Variants in PPFIBP1 observed in about 807,000 individuals in gnomAD.
The protein encoded by PPFIBP1 is PPFIB scaffold protein 1.
A neutral mutation model predicts 137.8 loss-of-function variants in PPFIBP1; 112 were observed. The ratio of observed to expected loss-of-function variants is 0.81; its 90% CI spans 0.70 to 0.95. The LOEUF (loss-of-function observed/expected upper bound fraction) is 0.95, where lower values mean the gene tolerates loss of function less well. PPFIBP1 is among the 40% of genes least tolerant of loss of function. The pLI, the probability that PPFIBP1 is intolerant of heterozygous loss-of-function variation, is 0.00. For missense variants in PPFIBP1, 1,083 were observed against 1,196.6 expected, an observed-to-expected ratio of 0.91 and a Z score of 1.40; for synonymous variants, 378 against 417.3, an observed-to-expected ratio of 0.91 and a Z score of 1.15.
intron 2 of PPFIBP1, among the ~76,000 whole-genome samples, 193 bp from the exon 3 acceptor site, chr12:27,633,169 T>G (rs1449820674): frequency 1.4e-4 from 22 of 152,154 alleles, no homozygotes; most frequent in Non-Finnish European, 2.9e-4. Context: ...GGAATCTTCT[T>G]TATTAACTGA....
At chr12:27,689,363 A>C (rs1025274656) in intron 27 of PPFIBP1, among the ~76,000 whole-genome samples, 160 bp downstream of exon 27, 1 of 152,100 alleles carries the variant, frequency 6.6e-6, no homozygotes, top group Non-Finnish European at 1.5e-5. Flanking sequence ...TGGGAGAAAG[A>C]TGTTGGCCAA....
At chr12:27,631,904 T>C (rs1319385581) in intron 2 of PPFIBP1, among the ~76,000 whole-genome samples, 1 of 152,232 alleles carries the variant, frequency 6.6e-6, no homozygotes, top group African/African-American at 2.4e-5. Context: ...CTCTTTGTTT[T>C]ATATAGACAC....
At chr12:27,577,468 T>G (rs1313958944) in intron 1 of PPFIBP1, among the ~76,000 whole-genome samples, 12 of 152,216 alleles carry the variant, frequency 7.9e-5, no homozygotes, top group Non-Finnish European at 1.8e-4. Flanking sequence ...CCTTGCTTTC[T>G]CCTTTGGATG....
intron 27 of PPFIBP1, 129 bp from the exon 28 acceptor site, chr12:27,691,619 TG>T: frequency 1.6e-6 from 1 of 618,240 alleles, no homozygotes; most frequent in South Asian, 2.6e-5. Context: ...CTCTCTACCA[TG>T]GGGTAAATAA....
chr12:27,681,410 A>G, intron 21 of PPFIBP1, 136 bp from the exon 22 acceptor site: 1 of 966,510 alleles, frequency 1.0e-6, no homozygotes, highest in Non-Finnish European at 1.5e-6. Flanking sequence ...GTATACTAAA[A>G]ATTAAGCTTT....
chr12:27,599,021 A>T (rs1425710343), intron 2 of PPFIBP1, among the ~76,000 whole-genome samples: 1 of 152,244 alleles, frequency 6.6e-6, no homozygotes, highest in Non-Finnish European at 1.5e-5. Context: ...AAGAATTGGA[A>T]CACTTCCTAA....
chr12:27,685,151 A>T (rs1337736043), intron 24 of PPFIBP1, among the ~76,000 whole-genome samples: 1 of 151,914 alleles, frequency 6.6e-6, no homozygotes, highest in African/African-American at 2.4e-5. Context: ...ATACTATATA[A>T]TTATGTAATA....
At chr12:27,559,972 A>G (rs1258516659) in intron 1 of PPFIBP1, among the ~76,000 whole-genome samples, 1 of 152,244 alleles carries the variant, frequency 6.6e-6, no homozygotes, top group Non-Finnish European at 1.5e-5. Flanking sequence ...AGAATGTACC[A>G]TGCCAGGGAC....
intron 2 of PPFIBP1, among the ~76,000 whole-genome samples, chr12:27,626,553 G>A (rs1158670300): frequency 1.3e-5 from 2 of 152,016 alleles, no homozygotes; most frequent in Non-Finnish European, 2.9e-5. Context: ...ACCTAGGGTG[G>A]GGTCTAGGGA....
intron 2 of PPFIBP1, among the ~76,000 whole-genome samples, chr12:27,591,385 T>G (rs1277829843): frequency 5.9e-5 from 9 of 152,094 alleles, no homozygotes; most frequent in Non-Finnish European, 1.0e-4. Flanking sequence ...GGCACCTTCC[T>G]CAAAGAAGTT....
intron 3 of PPFIBP1, 76 bp from the exon 4 acceptor site, chr12:27,634,834 G>A (rs2057538107): frequency 8.2e-6 from 10 of 1,225,036 alleles, no homozygotes; most frequent in Non-Finnish European, 1.2e-5. Flanking sequence ...TGACTAGACT[G>A]GTTTACCGCC....
intron 2 of PPFIBP1, among the ~76,000 whole-genome samples, chr12:27,618,367 T>C (rs1179962279): frequency 2.0e-5 from 3 of 152,198 alleles, no homozygotes; most frequent in African/African-American, 7.2e-5. Context: ...TCTTCCTTTT[T>C]GGAATTACTG....
chr12:27,667,193 T>C lies in PPFIBP1; in HGVS notation c.1019T>C (p.Leu340Pro). 1 of 1,609,434 alleles carries C rather than the reference T, an allele frequency of 6.2e-7. No homozygotes were observed. The highest frequency in any genetic ancestry group is 8.5e-7 in the Non-Finnish European group (1 of 1,178,088). ...AAAGATGGAGAATATGAAGAGCTGC[T>C]CAATTCCAGTTCCATCTCCTCTTTG... ...KGKDGEYEEL[L>P]NSSSISSLLD... The change falls in exon 13 of 30, where the codon CTC becomes CCC. Residue 340 changes from leucine to proline, a missense_variant. Transcript: ENST00000228425.
At chr12:27,575,775 C>T (rs1156820033) in intron 1 of PPFIBP1, among the ~76,000 whole-genome samples, 3 of 151,976 alleles carry the variant, frequency 2.0e-5, no homozygotes, top group Non-Finnish European at 4.4e-5. Context: ...CTTTTCAGTT[C>T]GATAATGTGT....
chr12:27,689,044 A>G lies in PPFIBP1; in HGVS notation c.2526A>G (p.Thr842=). The change falls in exon 27 of 30, where the codon ACA becomes ACG. Residue 842 remains threonine, a synonymous_variant. Coordinates refer to ENST00000228425, the MANE Select transcript of PPFIBP1 (RefSeq NM_003622.4). ...TAGAGCCTCGTTTTAACGTAGAAAC[A>G]ATGGCTCAGTTATTGAACATCCCAC... ...MVLEPRFNVE[T]MAQLLNIPPN... is the part of the protein sequence containing the mutation. The G allele has an allele frequency of 1.2e-6, 2 of 1,613,782 alleles. No individual in the cohort carries two copies. Among genetic ancestry groups the G allele is most frequent in the Non-Finnish European group, 1.7e-6 (2 of 1,179,928 alleles).
chr12:27,547,921 A>G (rs1171352593), intron 1 of PPFIBP1: 2 of 152,190 alleles, frequency 1.3e-5, no homozygotes, highest in African/African-American at 4.8e-5. Flanking sequence ...TGTCTACTAT[A>G]CTGTCCCAAA....
chr12:27,661,038 A>T, intron 11 of PPFIBP1, 93 bp downstream of exon 11: 2 of 1,522,712 alleles, frequency 1.3e-6, no homozygotes, highest in Non-Finnish European at 1.8e-6. Context: ...ATTTTAAAAG[A>T]ACATGCCCAG....
intron 4 of PPFIBP1, among the ~76,000 whole-genome samples, chr12:27,645,759 C>T (rs1164624254): frequency 2.0e-5 from 3 of 152,146 alleles, no homozygotes; most frequent in Non-Finnish European, 2.9e-5. Context: ...GCTTTGCCTG[C>T]CCCTGGGTGT....
intron 2 of PPFIBP1, among the ~76,000 whole-genome samples, chr12:27,598,774 A>G (rs2053620442): frequency 6.6e-6 from 1 of 152,148 alleles, no homozygotes. Context: ...CCTCCAAAAG[A>G]AGGTCAGGGG....
Sources: gnomAD v4.1 joint callset for allele counts (sites outside exome capture counted in the v4.1 genomes callset) on GRCh38, gnomAD v4.1.1 for gene constraint, MANE v1.5 for transcripts, NCBI Gene and HGNC (gene_info 2026-07-23, HGNC 2026-07-21) for gene names.